The following SMS variants were observed in gnomAD, a reference collection of about 807,000 sequenced individuals.
The protein encoded by SMS is spermine synthase.
A neutral mutation model predicts 33.0 loss-of-function variants in SMS; 3 were observed. That is an observed-to-expected ratio of 0.09 (90% confidence interval 0.04 to 0.23). SMS has a LOEUF of 0.23. Ranked by LOEUF, SMS falls within the 10% of genes least tolerant of loss-of-function variation. The pLI, the probability that SMS is intolerant of heterozygous loss-of-function variation, is 1.00. For missense variants in SMS, 117 were observed against 288.6 expected (o/e 0.41, Z 4.31); for synonymous variants, 103 against 112.2 (o/e 0.92, Z 0.52).
chrX:21,944,992 G>A (rs757136281), intron 1 of SMS, among the ~76,000 whole-genome samples: 6 of 111,594 alleles, frequency 5.4e-5, no homozygotes, highest in Non-Finnish European at 9.4e-5. Flanking sequence ...AGCAAAACCC[G>A]CACACAAAAA....
chrX:21,963,976 C>T (rs1923530696), intron 1 of SMS, among the ~76,000 whole-genome samples: 1 of 111,470 alleles, frequency 9.0e-6, no homozygotes, highest in Admixed American at 9.5e-5. Context: ...ACACTCAAGC[C>T]ACCTCCACAG....
chrX:21,952,201 T>C (rs956622195), intron 1 of SMS, among the ~76,000 whole-genome samples: 6 of 111,504 alleles, frequency 5.4e-5, no homozygotes, highest in African/African-American at 1.6e-4. Flanking sequence ...TTTTGGACCT[T>C]ATGGGGAGAG....
intron 1 of SMS, among the ~76,000 whole-genome samples, chrX:21,942,143 G>C (rs1366180386): frequency 1.8e-5 from 2 of 110,139 alleles, no homozygotes; most frequent in East Asian, 5.7e-4. Flanking sequence ...GGAGTGTCTC[G>C]CTCATACCTT....
At chrX:21,945,634 T>TCCCCCCCCCCCCCCCCCCCCCCCC (rs376720187) in intron 1 of SMS, among the ~76,000 whole-genome samples, 3 of 34,136 alleles carry the variant, frequency 8.8e-5, no homozygotes, top group Non-Finnish European at 1.2e-4. Context: ...TTGCTTCCCG[T>TCCCCCCCCCCCCCCCCCCCCCCCC]CCCCCCCCCC....
At chrX:21,944,522 C>CAAAAA (rs777680386) in intron 1 of SMS, among the ~76,000 whole-genome samples, 46 of 34,643 alleles carry the variant, frequency 1.3e-3, no homozygotes, top group East Asian at 2.1e-3. Flanking sequence ...CCTGTCTCTA[C>CAAAAA]AAAAAAAAAA....
chrX:21,952,318 G>A (rs1922657399), intron 1 of SMS, among the ~76,000 whole-genome samples: 1 of 110,913 alleles, frequency 9.0e-6, no homozygotes, highest in African/African-American at 3.3e-5. Flanking sequence ...TGTTTATCTT[G>A]AATGAGTGTT....
intron 1 of SMS, among the ~76,000 whole-genome samples, chrX:21,950,888 A>G (rs1922561783): frequency 8.9e-6 from 1 of 111,998 alleles, no homozygotes; most frequent in African/African-American, 3.3e-5. Flanking sequence ...GTTATTGTAA[A>G]TAGTGCTTAG....
At chrX:21,955,978 G>C (rs1426495608) in intron 1 of SMS, among the ~76,000 whole-genome samples, 2 of 112,311 alleles carry the variant, frequency 1.8e-5, no homozygotes, top group Non-Finnish European at 3.8e-5. Context: ...CAACCAGCAA[G>C]ATGCTGCCCT....
chrX:21,981,399 A>G (rs183185284), intron 7 of SMS, among the ~76,000 whole-genome samples: 3 of 111,941 alleles, frequency 2.7e-5, no homozygotes, highest in Admixed American at 9.5e-5. Context: ...TTAAAAGTAG[A>G]CCAACTGATT....
intron 10 of SMS, 61 bp downstream of exon 10, chrX:21,992,773 A>T (rs1256201095): frequency 4.5e-6 from 3 of 664,300 alleles, no homozygotes; most frequent in Non-Finnish European, 7.3e-6. Context: ...TCATATGCCA[A>T]TGAAAAAATT....
chrX:21,953,423 G>A (rs1265187960), intron 1 of SMS, among the ~76,000 whole-genome samples: 2 of 111,960 alleles, frequency 1.8e-5, no homozygotes, highest in Non-Finnish European at 3.8e-5. Flanking sequence ...TACGACTTGA[G>A]TTTGTCTAGT....
chrX:21,946,503 C>A (rs2238959), intron 1 of SMS, among the ~76,000 whole-genome samples: 11,639 of 111,589 alleles, frequency 0.1, 595 homozygotes, highest in East Asian at 0.21. Flanking sequence ...TAGGCCTAAT[C>A]TTGAGGTTTT....
intron 1 of SMS, among the ~76,000 whole-genome samples, chrX:21,960,629 A>T (rs1337058716): frequency 8.9e-6 from 1 of 112,102 alleles, no homozygotes; most frequent in Admixed American, 9.4e-5. Context: ...TACAGTTTGT[A>T]CTGTGGTTAA....
At chrX:21,979,995 A>G (rs1456790179) in intron 7 of SMS, among the ~76,000 whole-genome samples, 1 of 109,642 alleles carries the variant, frequency 9.1e-6, no homozygotes, top group Non-Finnish European at 1.9e-5. Flanking sequence ...AAGAAACCTT[A>G]GTAGTAAAAA....
chrX:21,984,262 C>T (rs773958674), intron 7 of SMS, 42 bp from the exon 8 acceptor site: 1 of 818,076 alleles, frequency 1.2e-6, no homozygotes, highest in South Asian at 2.0e-5. Context: ...TTAACTACAT[C>T]CACATGTTGG....
chrX:21,978,213 C>A, intron 6 of SMS, 99 bp downstream of exon 6: 1 of 830,900 alleles, frequency 1.2e-6, no homozygotes, highest in Non-Finnish European at 1.8e-6. Context: ...AGACTAGAGG[C>A]AAATGTGTTA....
intron 1 of SMS, among the ~76,000 whole-genome samples, chrX:21,954,297 C>T (rs1190575917): frequency 8.9e-5 from 10 of 111,990 alleles, no homozygotes; most frequent in African/African-American, 3.2e-4. Context: ...AAAGCACACA[C>T]ACCAAAGAAT....
intron 2 of SMS, among the ~76,000 whole-genome samples, chrX:21,968,550 G>C (rs951281629): frequency 4.5e-5 from 5 of 111,827 alleles, no homozygotes; most frequent in African/African-American, 1.6e-4. Context: ...TTTCCAGGAA[G>C]CTCCCGGGGG....
intron 1 of SMS, among the ~76,000 whole-genome samples, chrX:21,947,479 C>A (rs1922320249): frequency 8.9e-6 from 1 of 111,828 alleles, no homozygotes; most frequent in South Asian, 3.7e-4. Flanking sequence ...ACAACAACAA[C>A]AAAAACTTGT....
Sources: gnomAD v4.1 joint callset for allele counts (sites outside exome capture counted in the v4.1 genomes callset) on GRCh38, gnomAD v4.1.1 for gene constraint, MANE v1.5 for transcripts, NCBI Gene and HGNC (gene_info 2026-07-23, HGNC 2026-07-21) for gene names.